NRXN1: variants seen among roughly 807,000 people sequenced by gnomAD.
The protein encoded by NRXN1 is neurexin 1.
Under a neutral mutation model 150.9 loss-of-function variants are expected in NRXN1, and 39 were observed. The observed-to-expected ratio is 0.26, with a 90% confidence interval of 0.20 to 0.34. The LOEUF (loss-of-function observed/expected upper bound fraction) is 0.34, where lower values mean the gene tolerates loss of function less well. Among genes scored for constraint, NRXN1 ranks in the 10% least tolerant of loss-of-function variants. NRXN1 has a pLI of 1.00. For synonymous variants in NRXN1, 924 were observed against 757.0 expected, an observed-to-expected ratio of 1.22 and a Z score of -3.62; for missense variants, 1,815 against 1,949.9, an observed-to-expected ratio of 0.93 and a Z score of 1.30.
intron 21 of NRXN1, among the ~76,000 whole-genome samples, chr2:50,049,782 A>G (rs117432303): frequency 1.2e-4 from 18 of 152,172 alleles, no homozygotes; most frequent in African/African-American, 4.3e-4. Flanking sequence ...AAGAGGGGGA[A>G]CATTTAGCAG....
intron 5 of NRXN1, among the ~76,000 whole-genome samples, chr2:50,878,329 C>T (rs1274954427): frequency 6.6e-6 from 1 of 151,774 alleles, no homozygotes; most frequent in Non-Finnish European, 1.5e-5. Context: ...AGTAGAAGGC[C>T]CTGTGAAGTA....
chr2:49,924,831 T>A (rs970737131), intron 22 of NRXN1, among the ~76,000 whole-genome samples: 3 of 152,206 alleles, frequency 2.0e-5, no homozygotes, highest in Non-Finnish European at 4.4e-5. Flanking sequence ...TTTCCCCAGA[T>A]TCACATTAAA....
intron 18 of NRXN1, among the ~76,000 whole-genome samples, chr2:50,152,871 T>C (rs944770452): frequency 1.3e-5 from 2 of 151,840 alleles, no homozygotes; most frequent in Non-Finnish European, 2.9e-5. Flanking sequence ...TCATTGAACT[T>C]GGGAAATTTT....
chr2:50,141,557 C>A (rs1169972027), intron 18 of NRXN1, among the ~76,000 whole-genome samples: 1 of 151,986 alleles, frequency 6.6e-6, no homozygotes, highest in Non-Finnish European at 1.5e-5. Context: ...GCAAACTATT[C>A]ATCCAAGGGA....
chr2:50,471,407 C>T (rs1471189426), intron 16 of NRXN1, among the ~76,000 whole-genome samples: 2 of 151,794 alleles, frequency 1.3e-5, no homozygotes, highest in Non-Finnish European at 2.9e-5. Flanking sequence ...GCCTCCAGTT[C>T]CATCCAAGTT....
At chr2:49,965,890 T>C (rs1295979097) in intron 21 of NRXN1, among the ~76,000 whole-genome samples, 2 of 152,186 alleles carry the variant, frequency 1.3e-5, no homozygotes, top group African/African-American at 2.4e-5. Context: ...GTATGCAGCA[T>C]TGTATAAAAT....
intron 5 of NRXN1, among the ~76,000 whole-genome samples, chr2:50,846,730 A>T (rs1473994285): frequency 6.6e-6 from 1 of 152,190 alleles, no homozygotes; most frequent in Non-Finnish European, 1.5e-5. Flanking sequence ...AATATGAGTG[A>T]TTTATGATTC....
chr2:50,202,557 T>C (rs1248268733), intron 18 of NRXN1, among the ~76,000 whole-genome samples: 1 of 151,958 alleles, frequency 6.6e-6, no homozygotes, highest in Non-Finnish European at 1.5e-5. Flanking sequence ...TGAGCAGTAA[T>C]GATAAATTTG....
intron 18 of NRXN1, among the ~76,000 whole-genome samples, chr2:50,195,779 T>C (rs1336646388): frequency 3.3e-5 from 5 of 152,104 alleles, no homozygotes; most frequent in African/African-American, 1.2e-4. Context: ...TATGCAATGA[T>C]CTAACTTGCT....
At chr2:50,034,561 G>A (rs534116449) in intron 21 of NRXN1, among the ~76,000 whole-genome samples, 3 of 151,940 alleles carry the variant, frequency 2.0e-5, no homozygotes, top group Non-Finnish European at 4.4e-5. Context: ...TAATACCTGG[G>A]TGACAAAATA....
At chr2:49,978,845 T>C (rs952433756) in intron 21 of NRXN1, among the ~76,000 whole-genome samples, 1 of 152,170 alleles carries the variant, frequency 6.6e-6, no homozygotes, top group Non-Finnish European at 1.5e-5. Flanking sequence ...TCCAACTCCT[T>C]CGTTTTAGAG....
At chr2:50,592,316 C>T (rs985643124) in intron 8 of NRXN1, among the ~76,000 whole-genome samples, 6 of 152,188 alleles carry the variant, frequency 3.9e-5, no homozygotes, top group African/African-American at 1.4e-4. Context: ...CAAATGACAC[C>T]AGAGTGATCT....
intron 17 of NRXN1, among the ~76,000 whole-genome samples, chr2:50,418,930 T>C (rs1375559222): frequency 1.3e-5 from 2 of 152,094 alleles, no homozygotes; most frequent in African/African-American, 2.4e-5. Context: ...AAATCTTTTT[T>C]ATTTTAAGCT....
intron 21 of NRXN1, among the ~76,000 whole-genome samples, chr2:50,018,013 G>A (rs1191426323): frequency 6.6e-6 from 1 of 152,142 alleles, no homozygotes; most frequent in East Asian, 1.9e-4. Context: ...ATTTAAATGT[G>A]ATAGATACTT....
At chr2:50,218,629 A>G (rs991005658) in intron 18 of NRXN1, among the ~76,000 whole-genome samples, 1 of 151,806 alleles carries the variant, frequency 6.6e-6, no homozygotes, top group African/African-American at 2.4e-5. Flanking sequence ...GGAGTCTAAG[A>G]CAGAATCTAA....
chr2:50,690,674 G>T (rs1452954290), intron 5 of NRXN1, among the ~76,000 whole-genome samples: 4 of 152,176 alleles, frequency 2.6e-5, no homozygotes, highest in African/African-American at 9.7e-5. Flanking sequence ...GTACATATCT[G>T]TACTGAAGCA....
At chr2:50,944,611 T>C (rs778663964) in intron 2 of NRXN1, among the ~76,000 whole-genome samples, 3 of 152,178 alleles carry the variant, frequency 2.0e-5, no homozygotes, top group Non-Finnish European at 2.9e-5. Flanking sequence ...AATTTTCTTA[T>C]CCTATACTTC....
intron 17 of NRXN1, among the ~76,000 whole-genome samples, chr2:50,258,899 T>A (rs2067979493): frequency 6.6e-6 from 1 of 152,022 alleles, no homozygotes; most frequent in African/African-American, 2.4e-5. Flanking sequence ...TTGAAAAGAA[T>A]CTCTATTTCT....
chr2:50,474,333 T>A (rs553993024), intron 15 of NRXN1, among the ~76,000 whole-genome samples: 61 of 151,828 alleles, frequency 4.0e-4, no homozygotes, highest in Admixed American at 3.8e-3. Context: ...CATTGGAGTT[T>A]ACATAAGAAA....
Sources: allele counts gnomAD v4.1 joint callset (sites outside exome capture counted in the v4.1 genomes callset), GRCh38; gene constraint gnomAD v4.1.1; transcripts MANE v1.5; gene names NCBI Gene and HGNC (gene_info 2026-07-23, HGNC 2026-07-21).